The following OR2L13 variants were observed in gnomAD, a reference collection of about 807,000 sequenced individuals.
OR2L13 encodes the protein olfactory receptor 2L13.
A neutral mutation model predicts 15.3 loss-of-function variants in OR2L13; 14 were observed. The observed-to-expected ratio is 0.91, with a 90% CI of 0.60 to 1.43. The LOEUF is 1.43. OR2L13 is among the 40% of genes most tolerant of loss of function. OR2L13 has a pLI of 0.00. For synonymous variants in OR2L13, 152 were observed against 142.9 expected (o/e 1.06, Z -0.45); for missense variants, 367 against 387.9 (o/e 0.95, Z 0.45).
chr1:247,967,912 T>TTC, the OR2L13 span, among the ~76,000 whole-genome samples: 1 of 141,058 alleles, frequency 7.1e-6, no homozygotes, highest in Non-Finnish European at 1.5e-5. Context: ...CCTCTTCCTC[T>TTC]TCTTCTTCTT....
At chr1:248,024,330 A>C in the OR2L13 span, 2 of 152,220 alleles carry the variant, frequency 1.3e-5, no homozygotes, top group Non-Finnish European at 2.9e-5. Flanking sequence ...ATAGCAATGT[A>C]AAATAAAAAA....
exon 3 of OR2L13, chr1:248,100,195 G>C (rs1664829288): frequency 6.2e-7 from 1 of 1,613,378 alleles, no homozygotes; most frequent in African/African-American, 1.3e-5. Flanking sequence ...CAAGATCCTG[G>C]CAGTCTTCTA....
the OR2L13 span, among the ~76,000 whole-genome samples, chr1:247,980,702 CAAAACAGTCA>C: frequency 1.3e-5 from 2 of 152,112 alleles, no homozygotes; most frequent in Non-Finnish European, 2.9e-5. Context: ...TGAATCCTAG[CAAAACAGTCA>C]TTAAACTTGT....
chr1:248,066,672 A>C, the OR2L13 span, among the ~76,000 whole-genome samples: 1 of 152,222 alleles, frequency 6.6e-6, no homozygotes, highest in South Asian at 2.1e-4. Flanking sequence ...ATTTTAAAAT[A>C]CATTTGTCTT....
chr1:248,003,245 A>T, the OR2L13 span: 1 of 1,564,404 alleles, frequency 6.4e-7, no homozygotes, highest in Non-Finnish European at 8.8e-7. Context: ...AATGGCTCTA[A>T]TTGGAAACCT....
chr1:248,021,496 C>T, the OR2L13 span, among the ~76,000 whole-genome samples: 1,856 of 152,254 alleles, frequency 0.012, 28 homozygotes, highest in African/African-American at 0.042. Flanking sequence ...CAAATGAACA[C>T]TTCATAAATT....
the OR2L13 span, among the ~76,000 whole-genome samples, chr1:247,947,638 A>G: frequency 7.2e-5 from 11 of 152,328 alleles, no homozygotes; most frequent in Non-Finnish European, 1.6e-4. Flanking sequence ...GCAAAAGACA[A>G]AATCTGTAAC....
the OR2L13 span, among the ~76,000 whole-genome samples, chr1:248,076,801 G>A: frequency 6.6e-6 from 1 of 152,192 alleles, no homozygotes; most frequent in African/African-American, 2.4e-5. Context: ...GGGACAATTT[G>A]ACATCCTCAT....
the OR2L13 span, among the ~76,000 whole-genome samples, chr1:247,962,958 A>G: frequency 1.3e-5 from 2 of 152,202 alleles, no homozygotes; most frequent in African/African-American, 4.8e-5. Flanking sequence ...AGAAATAGAT[A>G]AGTTTGGACT....
At chr1:247,975,428 C>A in the OR2L13 span, 1 of 708,920 alleles carries the variant, frequency 1.4e-6, no homozygotes, top group Non-Finnish European at 2.7e-6. Flanking sequence ...AGGAAGAAGG[C>A]CTATTCGACC....
the OR2L13 span, among the ~76,000 whole-genome samples, chr1:248,070,478 A>G: frequency 4.6e-5 from 7 of 152,122 alleles, no homozygotes; most frequent in Non-Finnish European, 7.4e-5. Context: ...TCAAAGCAGT[A>G]TGTAGAGGGA....
the OR2L13 span, chr1:248,003,010 T>C: frequency 3.1e-6 from 2 of 648,914 alleles, no homozygotes; most frequent in Admixed American, 2.6e-5. Flanking sequence ...GGCTATTTAT[T>C]ATAGCCTCAA....
chr1:247,971,548 T>C, the OR2L13 span, among the ~76,000 whole-genome samples: 2 of 152,200 alleles, frequency 1.3e-5, no homozygotes, highest in African/African-American at 4.8e-5. Context: ...ATTAAGTGAA[T>C]TGGTTTAACC....
the OR2L13 span, chr1:248,062,951 T>C: frequency 6.6e-6 from 1 of 152,184 alleles, no homozygotes; most frequent in African/African-American, 2.4e-5. Flanking sequence ...TGTTTCACTG[T>C]TCTATGTGTC....
the OR2L13 span, among the ~76,000 whole-genome samples, chr1:248,087,117 T>A: frequency 6.6e-6 from 1 of 152,116 alleles, no homozygotes; most frequent in East Asian, 1.9e-4. Flanking sequence ...TCTGGCATCC[T>A]ACCCTCCACA....
chr1:248,016,582 AG>A, the OR2L13 span, among the ~76,000 whole-genome samples: 1 of 152,104 alleles, frequency 6.6e-6, no homozygotes, highest in African/African-American at 2.4e-5. Context: ...TATGTATTTC[AG>A]TAAATTTAAC....
At chr1:248,011,380 T>C in the OR2L13 span, among the ~76,000 whole-genome samples, 1 of 152,150 alleles carries the variant, frequency 6.6e-6, no homozygotes, top group South Asian at 2.1e-4. Context: ...GCTGCTGTTA[T>C]CATTTTTCCT....
the OR2L13 span, among the ~76,000 whole-genome samples, chr1:248,027,633 G>A: frequency 5.7e-3 from 867 of 152,216 alleles, 9 homozygotes; most frequent in African/African-American, 0.019. Flanking sequence ...AAATAGAAAA[G>A]GACCCATGTG....
chr1:248,099,293 G>C (rs1004554642), intron 2 of OR2L13, 65 bp from the exon 3 acceptor site: 22 of 929,086 alleles, frequency 2.4e-5, no homozygotes, highest in Non-Finnish European at 3.2e-5. Flanking sequence ...GTTCCTTTTT[G>C]TTTTTCTATT....
Sources: allele counts gnomAD v4.1 joint callset (sites outside exome capture counted in the v4.1 genomes callset), GRCh38; gene constraint gnomAD v4.1.1; transcripts MANE v1.5; gene names NCBI Gene and HGNC (gene_info 2026-07-23, HGNC 2026-07-21).